The following STXBP5 variants were observed in gnomAD, a reference collection of about 807,000 sequenced individuals.
STXBP5 encodes syntaxin binding protein 5.
Under a neutral mutation model 152.4 loss-of-function variants are expected in STXBP5, and 50 were observed. The ratio of observed to expected loss-of-function variants is 0.33; its 90% CI spans 0.26 to 0.42. The LOEUF (loss-of-function observed/expected upper bound fraction) is 0.42. STXBP5 is among the 10% of genes least tolerant of loss of function. The probability of loss-of-function intolerance (pLI) is 1.00; values close to 1 mark genes in which losing one functional copy is unlikely to be tolerated. For missense variants in STXBP5, 1,167 were observed against 1,388.6 expected, an observed-to-expected ratio of 0.84 and a Z score of 2.54; for synonymous variants, 492 against 494.7, an observed-to-expected ratio of 0.99 and a Z score of 0.07.
At chr6:147,249,522 A>G (rs1040048182) in intron 4 of STXBP5, among the ~76,000 whole-genome samples, 8 of 152,236 alleles carry the variant, frequency 5.3e-5, no homozygotes, top group Non-Finnish European at 1.2e-4. Context: ...TGTCCCCTAC[A>G]CAATAGGTAA....
rs116747521 is a variant in STXBP5, at chr6:147,224,661, G to A, written c.249-10589G>A. 5.3e-3 allele frequency among the ~76,000 whole-genome samples: 805 copies of A among 152,148 alleles called. 8 individuals are homozygous for A. Among genetic ancestry groups the A allele is most frequent in the African/African-American group, 0.019 (775 of 41,502 alleles). ...AAAGTTTATTTTTTTATCATTAGTA[G>A]GATAAATGTATCATGTACTGCTGCT... is the stretch of plus-strand genomic sequence containing the variant. On this transcript the variant is annotated intron_variant, in intron 2 of 27. Transcript: ENST00000321680.
At chr6:147,287,313 C>T (rs1334649188) in intron 8 of STXBP5, among the ~76,000 whole-genome samples, 1 of 147,086 alleles carries the variant, frequency 6.8e-6, no homozygotes, top group Non-Finnish European at 1.5e-5. Flanking sequence ...TGCCATTCTC[C>T]TGCCTCAGCC....
intron 18 of STXBP5, 113 bp downstream of exon 18, chr6:147,327,389 A>G: frequency 2.4e-6 from 3 of 1,254,566 alleles, no homozygotes; most frequent in South Asian, 3.3e-5. Context: ...TTTAGTCTGT[A>G]TATATAAACT....
At chr6:147,286,672 A>G (rs1192975093) in intron 8 of STXBP5, among the ~76,000 whole-genome samples, 1 of 152,180 alleles carries the variant, frequency 6.6e-6, no homozygotes, top group African/African-American at 2.4e-5. Flanking sequence ...AAGCAGATTT[A>G]TGTGATTTTG....
intron 9 of STXBP5, among the ~76,000 whole-genome samples, chr6:147,309,852 G>C (rs1210388620): frequency 6.6e-6 from 1 of 152,028 alleles, no homozygotes; most frequent in Non-Finnish European, 1.5e-5. Flanking sequence ...TTTTAGGGAG[G>C]TATAAAAGTT....
intron 8 of STXBP5, among the ~76,000 whole-genome samples, chr6:147,287,410 G>C (rs12208057): frequency 2.6e-5 from 4 of 151,412 alleles, no homozygotes; most frequent in Admixed American, 6.6e-5. Context: ...CACCGTTTTA[G>C]CCGGGATGGT....
At chr6:147,310,735 G>A (rs547585510) in intron 10 of STXBP5, among the ~76,000 whole-genome samples, 2 of 151,978 alleles carry the variant, frequency 1.3e-5, no homozygotes, top group Non-Finnish European at 2.9e-5. Context: ...GCACAATTGC[G>A]TTTTTTTCAG....
chr6:147,370,335 C>T (rs1055606202), intron 25 of STXBP5, among the ~76,000 whole-genome samples: 34 of 152,084 alleles, frequency 2.2e-4, no homozygotes, highest in Middle Eastern at 3.4e-3. Flanking sequence ...TGGTTTCATG[C>T]ATATATGCAT....
chr6:147,280,784 A>G (rs939403606), intron 8 of STXBP5, among the ~76,000 whole-genome samples: 1 of 152,204 alleles, frequency 6.6e-6, no homozygotes, highest in African/African-American at 2.4e-5. Context: ...TTATTTTTAA[A>G]TAAAAAAGAC....
intron 7 of STXBP5, among the ~76,000 whole-genome samples, chr6:147,275,101 A>T (rs935137871): frequency 6.6e-6 from 1 of 152,182 alleles, no homozygotes; most frequent in Non-Finnish European, 1.5e-5. Context: ...CTTGTCTAAT[A>T]AGAATAGCAG....
intron 18 of STXBP5, 68 bp from the exon 19 acceptor site, chr6:147,334,089 T>C (rs956477967): frequency 9.3e-6 from 14 of 1,498,988 alleles, no homozygotes; most frequent in African/African-American, 2.8e-5. Flanking sequence ...ATGTGTACTA[T>C]AAATAAAAGA....
intron 5 of STXBP5, 112 bp downstream of exon 5, chr6:147,260,861 T>C (rs907963037): frequency 7.8e-7 from 1 of 1,289,368 alleles, no homozygotes; most frequent in Admixed American, 2.7e-5. Context: ...TGACAGATGT[T>C]CTTAATATTA....
At chr6:147,319,364 T>C (rs1055202381) in intron 16 of STXBP5, among the ~76,000 whole-genome samples, 14 of 152,292 alleles carry the variant, frequency 9.2e-5, no homozygotes, top group African/African-American at 3.1e-4. Context: ...AAGTCCAAAA[T>C]TGTAGTATTA....
At chr6:147,333,904 A>G (rs540966122) in intron 18 of STXBP5, among the ~76,000 whole-genome samples, 1 of 152,324 alleles carries the variant, frequency 6.6e-6, no homozygotes, top group Admixed American at 6.5e-5. Flanking sequence ...AATTTATAAC[A>G]TATTGTTTAC....
chr6:147,346,758 T>C (rs956890743), intron 21 of STXBP5, among the ~76,000 whole-genome samples: 4 of 151,952 alleles, frequency 2.6e-5, no homozygotes, highest in African/African-American at 9.7e-5. Context: ...TACAAACTTT[T>C]AGCCAGAAGT....
At chr6:147,316,185 C>G (rs1782635048) in intron 15 of STXBP5, 44 bp from the exon 16 acceptor site, 1 of 1,562,194 alleles carries the variant, frequency 6.4e-7, no homozygotes, top group Non-Finnish European at 8.8e-7. Flanking sequence ...ATAAAATGAG[C>G]AATAATTATT....
At chr6:147,382,255 A>AT (rs1786122660) in intron 26 of STXBP5, among the ~76,000 whole-genome samples, 2 of 152,086 alleles carry the variant, frequency 1.3e-5, no homozygotes, top group Non-Finnish European at 2.9e-5. Context: ...AAAGAAAAGA[A>AT]TATAGCATGC....
At chr6:147,322,059 A>G (rs762731016) in intron 16 of STXBP5, among the ~76,000 whole-genome samples, 3 of 152,160 alleles carry the variant, frequency 2.0e-5, no homozygotes, top group African/African-American at 7.2e-5. Context: ...GTGCCCATAT[A>G]TGTACTTCTA....
At chr6:147,233,967 A>T (rs1778145584) in intron 2 of STXBP5, among the ~76,000 whole-genome samples, 1 of 151,192 alleles carries the variant, frequency 6.6e-6, no homozygotes, top group African/African-American at 2.4e-5. Flanking sequence ...CTGTTAATTT[A>T]TAAAATATAT....
Sources: allele counts gnomAD v4.1 joint callset (sites outside exome capture counted in the v4.1 genomes callset), GRCh38; gene constraint gnomAD v4.1.1; transcripts MANE v1.5; gene names NCBI Gene and HGNC (gene_info 2026-07-23, HGNC 2026-07-21).